The following MECOM variants were observed in gnomAD, a reference collection of about 807,000 sequenced individuals.
The protein encoded by MECOM is histone-lysine N-methyltransferase MECOM.
In MECOM, 13 loss-of-function variants were observed where a neutral mutation model predicts 116.3. That is an observed-to-expected ratio of 0.11 (90% CI 0.07 to 0.18). The LOEUF (loss-of-function observed/expected upper bound fraction) is 0.18, where lower values mean the gene tolerates loss of function less well. Ranked by LOEUF, MECOM falls within the 10% of genes least tolerant of loss-of-function variation. MECOM has a pLI of 1.00. For missense variants in MECOM, 1,299 were observed against 1,509.0 expected (o/e 0.86, Z 2.31); for synonymous variants, 528 against 535.2 (o/e 0.99, Z 0.19).
At chr3:169,654,081 T>A (rs548679875) in intron 1 of MECOM, among the ~76,000 whole-genome samples, 9 of 152,234 alleles carry the variant, frequency 5.9e-5, no homozygotes, top group Non-Finnish European at 1.2e-4. Context: ...CATTATCCGA[T>A]GATATTCCCA....
chr3:169,305,976 G>A (rs1038037323), intron 2 of MECOM, among the ~76,000 whole-genome samples: 16 of 151,700 alleles, frequency 1.1e-4, no homozygotes, highest in African/African-American at 3.9e-4. Flanking sequence ...AACATATTTT[G>A]ATTTCAATAT....
At chr3:169,580,062 G>C (rs1050628523) in intron 1 of MECOM, among the ~76,000 whole-genome samples, 2 of 152,176 alleles carry the variant, frequency 1.3e-5, no homozygotes, top group Non-Finnish European at 2.9e-5. Flanking sequence ...AGTCCAGCAT[G>C]AGAATTCCAT....
chr3:169,379,426 T>C lies in MECOM; in HGVS notation c.375+1761A>G, dbSNP rs928747841. On this transcript the variant is annotated intron_variant, in intron 2 of 16. Transcript: ENST00000651503. The stretch of plus-strand genomic sequence containing the variant: ...TCAGGAACTATTTTATAAAGGTGTC[T>C]TGAATTCCAAGCAATAAAAACAACT... 1.5e-4 allele frequency among the ~76,000 whole-genome samples: 23 copies of C among 152,058 alleles called. 1 individual carries two copies. The highest frequency in any genetic ancestry group is 1.2e-3 in the East Asian group (6 of 5,184).
At position 169,598,497 on chromosome 3, in the gene MECOM, G is replaced by C. The variant is rs1004598938; in HGVS notation, c.37+64839C>G. On this transcript the variant is annotated intron_variant, in intron 1 of 16. Coordinates refer to ENST00000651503, the MANE Select transcript of MECOM (RefSeq NM_004991.4). ...GGAATTAAAATGTAAGAAGATAGCAGAACAAAGTCTTCCAGTAACTATTTT... is the reference window on the plus strand; with the variant it reads ...GGAATTAAAATGTAAGAAGATAGCACAACAAAGTCTTCCAGTAACTATTTT... 2.6e-5 allele frequency among the ~76,000 whole-genome samples: 4 copies of C among 152,200 alleles called. No individual in the cohort carries two copies. In the South Asian group the frequency reaches 8.3e-4, roughly 31 times the overall value.
At chr3:169,562,938 C>A (rs1762821177) in intron 1 of MECOM, among the ~76,000 whole-genome samples, 1 of 151,914 alleles carries the variant, frequency 6.6e-6, no homozygotes, top group African/African-American at 2.4e-5. Flanking sequence ...GTGGCAGGCA[C>A]CTATAATCCC....
At chr3:169,309,117 A>G (rs1310198482) in intron 2 of MECOM, among the ~76,000 whole-genome samples, 2 of 152,160 alleles carry the variant, frequency 1.3e-5, no homozygotes, top group South Asian at 2.1e-4. Context: ...AAGACTACCA[A>G]AGGAATTCCC....
At chr3:169,574,840 A>AG (rs1764299787) in intron 1 of MECOM, among the ~76,000 whole-genome samples, 1 of 151,198 alleles carries the variant, frequency 6.6e-6, no homozygotes, top group Non-Finnish European at 1.5e-5. Flanking sequence ...AAAAAAAAAA[A>AG]CTTTTCAATT....
chr3:169,628,770 G>T (rs151207604), intron 1 of MECOM, among the ~76,000 whole-genome samples: 3 of 152,318 alleles, frequency 2.0e-5, no homozygotes, highest in Non-Finnish European at 4.4e-5. Flanking sequence ...AAGGAGCTCA[G>T]GGGGAGGAGC....
intron 1 of MECOM, among the ~76,000 whole-genome samples, chr3:169,619,682 C>T (rs906799343): frequency 3.3e-5 from 5 of 152,280 alleles, no homozygotes; most frequent in South Asian, 2.1e-4. Flanking sequence ...AGTGTCTCCT[C>T]CACCCCCAGG....
chr3:169,436,531 T>A (rs927383068), intron 1 of MECOM, among the ~76,000 whole-genome samples: 4 of 152,180 alleles, frequency 2.6e-5, no homozygotes, highest in African/African-American at 9.7e-5. Flanking sequence ...ATAACAGGTG[T>A]GAGGCACCGT....
intron 2 of MECOM, among the ~76,000 whole-genome samples, chr3:169,231,318 G>A (rs1306890138): frequency 2.0e-5 from 3 of 152,032 alleles, no homozygotes; most frequent in African/African-American, 7.2e-5. Flanking sequence ...CCAGACACCA[G>A]GCTAAATACT....
At chr3:169,659,854 A>G (rs552197125) in intron 1 of MECOM, among the ~76,000 whole-genome samples, 1 of 152,132 alleles carries the variant, frequency 6.6e-6, no homozygotes, top group East Asian at 1.9e-4. Context: ...GTCGGCATCT[A>G]CCTTTCCTAC....
At chr3:169,283,205 T>C (rs2149682079) in intron 2 of MECOM, among the ~76,000 whole-genome samples, 1 of 152,124 alleles carries the variant, frequency 6.6e-6, no homozygotes, top group Admixed American at 6.5e-5. Context: ...ATGAATACAC[T>C]TATTACAAAA....
At chr3:169,295,819 T>A (rs1475836854) in intron 2 of MECOM, among the ~76,000 whole-genome samples, 1 of 152,188 alleles carries the variant, frequency 6.6e-6, no homozygotes, top group African/African-American at 2.4e-5. Context: ...TCACAGAACT[T>A]TAGAAATGAC....
At chr3:169,279,093 C>T (rs567520881) in intron 2 of MECOM, among the ~76,000 whole-genome samples, 1 of 152,218 alleles carries the variant, frequency 6.6e-6, no homozygotes, top group Non-Finnish European at 1.5e-5. Flanking sequence ...GCTTAGTTCA[C>T]TCAAATGTGT....
At chr3:169,254,528 C>T (rs1756632517) in intron 2 of MECOM, among the ~76,000 whole-genome samples, 1 of 152,118 alleles carries the variant, frequency 6.6e-6, no homozygotes, top group Non-Finnish European at 1.5e-5. Context: ...ACTATCTTAA[C>T]AAACCATTTT....
chr3:169,171,759 A>G (rs983974981), intron 2 of MECOM, among the ~76,000 whole-genome samples: 21 of 152,150 alleles, frequency 1.4e-4, no homozygotes, highest in African/African-American at 4.8e-4. Context: ...AAAGACCACA[A>G]AGAGAAACAG....
chr3:169,093,146 T>A, intron 13 of MECOM, 44 bp from the exon 14 acceptor site: 1 of 1,537,460 alleles, frequency 6.5e-7, no homozygotes, highest in South Asian at 1.3e-5. Context: ...TTATTGTTTA[T>A]CTAGCAACTT....
At chr3:169,289,060 G>A (rs2149692045) in intron 2 of MECOM, among the ~76,000 whole-genome samples, 1 of 152,326 alleles carries the variant, frequency 6.6e-6, no homozygotes, top group South Asian at 2.1e-4. Flanking sequence ...AAACTCACTA[G>A]CATGTGCTTG....
Sources: gnomAD v4.1 joint callset for allele counts (sites outside exome capture counted in the v4.1 genomes callset) on GRCh38, gnomAD v4.1.1 for gene constraint, MANE v1.5 for transcripts, NCBI Gene and HGNC (gene_info 2026-07-23, HGNC 2026-07-21) for gene names.